KCNMB2: variants seen among roughly 807,000 people sequenced by gnomAD.
The protein encoded by KCNMB2 is calcium-activated potassium channel subunit beta-2.
A neutral mutation model predicts 24.5 loss-of-function variants in KCNMB2; 9 were observed. The observed-to-expected ratio is 0.37, with a 90% CI of 0.22 to 0.64. The LOEUF (loss-of-function observed/expected upper bound fraction) is 0.64. Among genes scored for constraint, KCNMB2 ranks in the 30% least tolerant of loss-of-function variants. The probability of loss-of-function intolerance (pLI) is 0.63; values close to 1 mark genes in which losing one functional copy is unlikely to be tolerated. For missense variants in KCNMB2, 226 were observed against 284.3 expected (o/e 0.79, Z 1.47); for synonymous variants, 109 against 104.4 (o/e 1.04, Z -0.27).
intron 1 of KCNMB2, among the ~76,000 whole-genome samples, chr3:178,697,808 T>C (rs1028253441): frequency 7.2e-5 from 11 of 152,224 alleles, no homozygotes; most frequent in Admixed American, 3.3e-4. Context: ...TGGTAACAAA[T>C]TCCGTCAGCA....
At chr3:178,722,304 T>C (rs1222576060) in intron 1 of KCNMB2, among the ~76,000 whole-genome samples, 1 of 152,200 alleles carries the variant, frequency 6.6e-6, no homozygotes, top group African/African-American at 2.4e-5. Context: ...TGATCAGTTT[T>C]GTGTTGCTAA....
At chr3:178,607,628 CGTGT>C (rs143508589) in intron 1 of KCNMB2, among the ~76,000 whole-genome samples, 38 of 147,322 alleles carry the variant, frequency 2.6e-4, no homozygotes, top group South Asian at 8.7e-4. Context: ...ATTGTGCATG[CGTGT>C]GTGTGTGTGT....
At chr3:178,609,715 C>A (rs558952154) in intron 1 of KCNMB2, among the ~76,000 whole-genome samples, 5 of 152,020 alleles carry the variant, frequency 3.3e-5, no homozygotes, top group South Asian at 2.1e-4. Context: ...TGGCTCACTG[C>A]AACCTCTGCC....
intron 1 of KCNMB2, among the ~76,000 whole-genome samples, chr3:178,682,094 C>A (rs1721290172): frequency 6.6e-6 from 1 of 152,144 alleles, no homozygotes; most frequent in East Asian, 1.9e-4. Flanking sequence ...CCCCAGTACC[C>A]CTGCCATTCT....
At position 178,633,342 on chromosome 3, in the gene KCNMB2, C is replaced by A. The variant is rs1008671544; in HGVS notation, c.-68+96631C>A. Among the ~76,000 whole-genome samples the A allele has an allele frequency of 3.9e-5, 6 of 152,328 alleles. No individual in the cohort carries two copies. In the East Asian group the frequency reaches 1.2e-3, roughly 29 times the overall value. On this transcript the variant is annotated intron_variant, in intron 1 of 4. Coordinates refer to ENST00000452583, the MANE Select transcript of KCNMB2 (RefSeq NM_181361.3). Reference sequence around the variant, plus strand: ...GAGGTTCTCCATGAGGGCCCCAGCCCCTCCAGCAAACTTCTGACTGGACAT... The same window carrying A: ...GAGGTTCTCCATGAGGGCCCCAGCCACTCCAGCAAACTTCTGACTGGACAT...
intron 1 of KCNMB2, chr3:178,748,268 A>G (rs929961451): frequency 2.6e-5 from 4 of 152,250 alleles, no homozygotes; most frequent in Non-Finnish European, 4.4e-5. Context: ...CTACTGTAAA[A>G]TAAGTGTTTT....
intron 1 of KCNMB2, among the ~76,000 whole-genome samples, chr3:178,612,674 T>C (rs1718523295): frequency 6.6e-6 from 1 of 152,152 alleles, no homozygotes; most frequent in Non-Finnish European, 1.5e-5. Context: ...ATGGGTCTTG[T>C]TTTTTCATCT....
At chr3:178,539,764 G>A (rs1174909662) in intron 1 of KCNMB2, among the ~76,000 whole-genome samples, 1 of 151,986 alleles carries the variant, frequency 6.6e-6, no homozygotes, top group East Asian at 1.9e-4. Context: ...GAGTGTGCAT[G>A]TGTGCGTGTG....
At chr3:178,636,426 G>T (rs1481454685) in intron 1 of KCNMB2, among the ~76,000 whole-genome samples, 2 of 152,112 alleles carry the variant, frequency 1.3e-5, no homozygotes, top group African/African-American at 4.8e-5. Flanking sequence ...AGAGGCACAA[G>T]TAACATTAAA....
At chr3:178,777,429 G>A (rs527628923) in intron 1 of KCNMB2, among the ~76,000 whole-genome samples, 18 of 152,182 alleles carry the variant, frequency 1.2e-4, no homozygotes, top group African/African-American at 3.6e-4. Context: ...GCAAGACTCC[G>A]TCTCAAAAAC....
rs1720396379 is a variant in KCNMB2 at position 178,657,793 on chromosome 3, C to T, written c.-68+121082C>T. On this transcript the variant is annotated intron_variant, in intron 1 of 4. Transcript: ENST00000452583. ...TGCTGTGTCATAACATGGCAGATGG[C>T]ATCACATGGAAGGAGCATGTTCAAA... 5.3e-5 allele frequency among the ~76,000 whole-genome samples: 8 copies of T among 152,322 alleles called. No individual in the cohort carries two copies. The South Asian group carries it at 1.7e-3, about 32-fold the overall frequency.
chr3:178,602,953 G>T (rs1038292698), intron 1 of KCNMB2, among the ~76,000 whole-genome samples: 4 of 152,102 alleles, frequency 2.6e-5, no homozygotes, highest in African/African-American at 9.7e-5. Flanking sequence ...GATTGGACGG[G>T]GTGGGAAGCA....
At chr3:178,800,647 T>C (rs1015612948) in intron 1 of KCNMB2, among the ~76,000 whole-genome samples, 2 of 152,066 alleles carry the variant, frequency 1.3e-5, no homozygotes, top group Non-Finnish European at 2.9e-5. Context: ...TAAATAGAAC[T>C]ACCATATAAT....
At chr3:178,556,154 G>A (rs1716118147) in intron 1 of KCNMB2, among the ~76,000 whole-genome samples, 1 of 152,190 alleles carries the variant, frequency 6.6e-6, no homozygotes, top group Admixed American at 6.5e-5. Flanking sequence ...GGTGAAATCA[G>A]TAGAAGATGA....
intron 1 of KCNMB2, among the ~76,000 whole-genome samples, chr3:178,693,891 T>A (rs1721772830): frequency 1.3e-5 from 1 of 75,300 alleles, no homozygotes; most frequent in Non-Finnish European, 2.6e-5. Context: ...TTTTTCTTTT[T>A]CTTTTTTTTT....
chr3:178,834,042 C>A (rs1477570574), intron 4 of KCNMB2, among the ~76,000 whole-genome samples: 1 of 152,130 alleles, frequency 6.6e-6, no homozygotes, highest in Non-Finnish European at 1.5e-5. Flanking sequence ...CTTTTACTCA[C>A]CAGGAATTCC....
chr3:178,727,703 TG>T (rs943937679), intron 1 of KCNMB2, among the ~76,000 whole-genome samples: 25 of 151,914 alleles, frequency 1.6e-4, no homozygotes, highest in African/African-American at 5.8e-4. Flanking sequence ...GAAAAGAAAA[TG>T]GTTTTCCCTT....
At chr3:178,559,800 C>G (rs1044796658) in intron 1 of KCNMB2, among the ~76,000 whole-genome samples, 6 of 150,502 alleles carry the variant, frequency 4.0e-5, no homozygotes, top group Non-Finnish European at 8.9e-5. Context: ...TATTAATAGC[C>G]TGACTGCAAA....
chr3:178,554,045 T>A (rs948030990), intron 1 of KCNMB2, among the ~76,000 whole-genome samples: 6 of 152,206 alleles, frequency 3.9e-5, no homozygotes, highest in Admixed American at 6.5e-5. Flanking sequence ...TCAGGTGTTA[T>A]GCTTACATGA....
Sources: allele counts gnomAD v4.1 joint callset (sites outside exome capture counted in the v4.1 genomes callset), GRCh38; gene constraint gnomAD v4.1.1; transcripts MANE v1.5; gene names NCBI Gene and HGNC (gene_info 2026-07-23, HGNC 2026-07-21).